The following ADGRB3 variants were observed in gnomAD, a reference collection of about 807,000 sequenced individuals.
ADGRB3 encodes the protein brain-specific angiogenesis inhibitor 3.
In ADGRB3, 37 loss-of-function variants were observed where a neutral mutation model predicts 193.4. That is an observed-to-expected ratio of 0.19 (90% CI 0.15 to 0.25). The LOEUF (loss-of-function observed/expected upper bound fraction) is 0.25. Among genes scored for constraint, ADGRB3 ranks in the 10% least tolerant of loss-of-function variants. The probability of loss-of-function intolerance (pLI) is 1.00; values close to 1 mark genes in which losing one functional copy is unlikely to be tolerated. For synonymous variants in ADGRB3, 690 were observed against 644.2 expected (o/e 1.07, Z -1.08); for missense variants, 1,637 against 1,852.9 (o/e 0.88, Z 2.14).
At chr6:68,974,735 A>T in intron 8 of ADGRB3, 28 bp from the exon 9 acceptor site, 1 of 1,605,214 alleles carries the variant, frequency 6.2e-7, no homozygotes, top group Non-Finnish European at 8.5e-7. Context: ...CACTACTGAC[A>T]TTCAAGTCCC....
intron 17 of ADGRB3, among the ~76,000 whole-genome samples, chr6:69,224,810 A>T (rs1299264940): frequency 1.3e-5 from 2 of 152,118 alleles, no homozygotes; most frequent in African/African-American, 2.4e-5. Flanking sequence ...AAATGTTTTG[A>T]AATTTTCTGA....
At chr6:68,667,097 C>T (rs912294347) in intron 3 of ADGRB3, among the ~76,000 whole-genome samples, 3 of 151,704 alleles carry the variant, frequency 2.0e-5, no homozygotes, top group Admixed American at 2.0e-4. Flanking sequence ...ATATATAGAA[C>T]ATAGAGCTGG....
At chr6:68,899,348 A>G (rs2150232459) in intron 3 of ADGRB3, among the ~76,000 whole-genome samples, 1 of 152,014 alleles carries the variant, frequency 6.6e-6, no homozygotes, top group Middle Eastern at 3.4e-3. Context: ...TGTGCAGGTT[A>G]GTTACATATG....
intron 25 of ADGRB3, 103 bp downstream of exon 25, chr6:69,339,117 G>T: frequency 7.9e-7 from 1 of 1,270,912 alleles, no homozygotes; most frequent in Non-Finnish European, 1.1e-6. Flanking sequence ...CAAGACCAGA[G>T]AGTATATTTA....
chr6:69,315,059 A>T (rs1382029715), intron 20 of ADGRB3, among the ~76,000 whole-genome samples: 6 of 151,592 alleles, frequency 4.0e-5, no homozygotes, highest in Non-Finnish European at 7.4e-5. Context: ...ATGATTTAAT[A>T]TAATTTTTGT....
intron 20 of ADGRB3, among the ~76,000 whole-genome samples, chr6:69,305,435 A>C (rs935652472): frequency 6.6e-5 from 10 of 151,604 alleles, no homozygotes; most frequent in Middle Eastern, 3.4e-3. Context: ...TCATGAGATA[A>C]TTTTTCATTA....
intron 3 of ADGRB3, among the ~76,000 whole-genome samples, chr6:68,639,982 G>A (rs917487971): frequency 6.6e-6 from 1 of 152,130 alleles, no homozygotes; most frequent in African/African-American, 2.4e-5. Context: ...CCTGACACAT[G>A]AAGGCAGGTG....
chr6:69,024,055 T>A (rs1295445411), intron 13 of ADGRB3, among the ~76,000 whole-genome samples: 1 of 152,162 alleles, frequency 6.6e-6, no homozygotes, highest in Non-Finnish European at 1.5e-5. Context: ...CATTTGGTAA[T>A]CAACTACATA....
intron 3 of ADGRB3, among the ~76,000 whole-genome samples, chr6:68,786,745 A>C (rs1379195646): frequency 1.3e-5 from 2 of 151,214 alleles, no homozygotes; most frequent in Non-Finnish European, 3.0e-5. Context: ...TACCTTGGGC[A>C]GTATGGCCAT....
chr6:69,040,309 C>CTTTCTTTCTTTT (rs1562133021), intron 13 of ADGRB3, among the ~76,000 whole-genome samples: 1 of 26,924 alleles, frequency 3.7e-5, no homozygotes, highest in Admixed American at 5.7e-4. Context: ...TTCTCTGTCT[C>CTTTCTTTCTTTT]TTTCTTTCTT....
intron 22 of ADGRB3, among the ~76,000 whole-genome samples, chr6:69,330,060 T>C (rs1273825951): frequency 1.3e-5 from 2 of 152,112 alleles, no homozygotes; most frequent in Admixed American, 1.3e-4. Flanking sequence ...TCTCCCAATA[T>C]TTCAATGACC....
At chr6:68,881,268 G>T (rs80178070) in intron 3 of ADGRB3, among the ~76,000 whole-genome samples, 1,592 of 150,770 alleles carry the variant, frequency 0.011, 26 homozygotes, top group African/African-American at 0.037. Context: ...TACAAATCTT[G>T]CCTCCTTCTC....
At chr6:68,650,407 A>T (rs577470894) in intron 3 of ADGRB3, among the ~76,000 whole-genome samples, 1 of 152,014 alleles carries the variant, frequency 6.6e-6, no homozygotes, top group Admixed American at 6.6e-5. Flanking sequence ...CATCATACAT[A>T]ATATTTATTT....
chr6:69,242,077 A>T (rs920044208), intron 20 of ADGRB3, among the ~76,000 whole-genome samples: 1 of 152,014 alleles, frequency 6.6e-6, no homozygotes, highest in African/African-American at 2.4e-5. Flanking sequence ...TAGTTGAATT[A>T]GATGGACTCT....
Position 68,936,548 on chromosome 6 carries a change from T to A in ADGRB3, c.898T>A (p.Trp300Arg), listed in dbSNP as rs1458610101. ...GESGVEEWSQ[W>R]STCSVTCGQG... ...ATCTGGTGTGGAAGAGTGGTCCCAG[T>A]GGAGCACATGTTCGGTTACTTGTGG... Residue 300 changes from tryptophan to arginine, a missense_variant, in exon 5 of 32, where the codon TGG becomes AGG. Trp to Arg is a moderately radical substitution (Grantham distance 101). This residue lies in a region of ADGRB3 where 365 missense variants were observed against 409.8 expected (regional missense o/e 0.89). Coordinates refer to ENST00000370598, the MANE Select transcript of ADGRB3 (RefSeq NM_001704.3). 2 of 1,614,044 alleles carry A rather than the reference T, an allele frequency of 1.2e-6. No individual in the cohort carries two copies. Among genetic ancestry groups the A allele is most frequent in the Admixed American group, 1.7e-5 (1 of 59,994 alleles).
chr6:68,933,065 T>C (rs1256889694), intron 4 of ADGRB3, among the ~76,000 whole-genome samples: 2 of 150,406 alleles, frequency 1.3e-5, no homozygotes, highest in Non-Finnish European at 3.0e-5. Context: ...ATGCAATCTT[T>C]ATTTATTATT....
chr6:68,881,926 C>G (rs1198107279), intron 3 of ADGRB3, among the ~76,000 whole-genome samples: 1 of 152,126 alleles, frequency 6.6e-6, no homozygotes, highest in Non-Finnish European at 1.5e-5. Context: ...CATTAGGCAA[C>G]TTACATCGAG....
intron 3 of ADGRB3, among the ~76,000 whole-genome samples, chr6:68,801,305 A>G (rs1189997743): frequency 6.6e-6 from 1 of 152,170 alleles, no homozygotes; most frequent in East Asian, 1.9e-4. Flanking sequence ...GTTTGGGATT[A>G]CAGCCTCTTT....
intron 16 of ADGRB3, among the ~76,000 whole-genome samples, chr6:69,074,352 A>C (rs918572930): frequency 1.3e-5 from 2 of 152,080 alleles, no homozygotes; most frequent in African/African-American, 2.4e-5. Flanking sequence ...ATCAGACAGC[A>C]TTTACAAAGG....
Sources: allele counts gnomAD v4.1 joint callset (sites outside exome capture counted in the v4.1 genomes callset), GRCh38; gene constraint gnomAD v4.1.1; regional missense constraint gnomAD v4.1.1; transcripts MANE v1.5; gene names NCBI Gene and HGNC (gene_info 2026-07-23, HGNC 2026-07-21).